SPATA6: variants seen among roughly 807,000 people sequenced by gnomAD.
The protein encoded by SPATA6 is spermatogenesis associated 6.
A neutral mutation model predicts 65.3 loss-of-function variants in SPATA6; 56 were observed. The ratio of observed to expected loss-of-function variants is 0.86; its 90% CI spans 0.69 to 1.07. The LOEUF is 1.07. Among genes scored for constraint, SPATA6 ranks in the 50% least tolerant of loss-of-function variants. The pLI is 0.00. For synonymous variants in SPATA6, 199 were observed against 213.2 expected (o/e 0.93, Z 0.58); for missense variants, 590 against 594.8 (o/e 0.99, Z 0.08).
chr1:48,268,047 G>A, the SPATA6 span, among the ~76,000 whole-genome samples: 460 of 151,868 alleles, frequency 3.0e-3, 2 homozygotes, highest in African/African-American at 0.01. Flanking sequence ...CACCGCGCCC[G>A]GCCAGGTCTC....
chr1:48,309,832 A>G (rs530142654), intron 11 of SPATA6, among the ~76,000 whole-genome samples: 1 of 152,284 alleles, frequency 6.6e-6, no homozygotes, highest in East Asian at 1.9e-4. Flanking sequence ...ATTTCTATAA[A>G]CGCTTAGAAC....
At chr1:48,286,966 G>A in the SPATA6 span, among the ~76,000 whole-genome samples, 619 of 151,064 alleles carry the variant, frequency 4.1e-3, 3 homozygotes, top group Admixed American at 7.0e-3. Flanking sequence ...TTGAACCCAG[G>A]AGGCAGAAGT....
intron 9 of SPATA6, among the ~76,000 whole-genome samples, chr1:48,368,211 C>G (rs568146913): frequency 2.0e-5 from 3 of 152,324 alleles, no homozygotes; most frequent in African/African-American, 7.2e-5. Flanking sequence ...CGACCTTTCT[C>G]TCTGGGTGCC....
intron 1 of SPATA6, among the ~76,000 whole-genome samples, chr1:48,453,983 G>A (rs564929797): frequency 1.3e-5 from 2 of 150,992 alleles, no homozygotes; most frequent in Admixed American, 1.3e-4. Flanking sequence ...CCAAGAAACA[G>A]TCATAAGTAA....
chr1:48,315,054 C>T (rs1645364761), intron 11 of SPATA6, among the ~76,000 whole-genome samples: 1 of 152,094 alleles, frequency 6.6e-6, no homozygotes, highest in South Asian at 2.1e-4. Context: ...TAATTAATAG[C>T]TTACCAAACA....
intron 9 of SPATA6, among the ~76,000 whole-genome samples, chr1:48,381,749 G>A (rs1417279645): frequency 1.4e-5 from 2 of 145,758 alleles, no homozygotes; most frequent in Non-Finnish European, 3.0e-5. Context: ...TCTCGCAGAG[G>A]GGGATTTAGC....
intron 3 of SPATA6, among the ~76,000 whole-genome samples, chr1:48,416,102 C>G (rs1261194806): frequency 6.6e-6 from 1 of 152,050 alleles, no homozygotes; most frequent in Non-Finnish European, 1.5e-5. Context: ...ACTCGGGAGG[C>G]TGAGGTAGGA....
At chr1:48,321,588 C>T (rs924621412) in intron 11 of SPATA6, among the ~76,000 whole-genome samples, 1 of 152,136 alleles carries the variant, frequency 6.6e-6, no homozygotes, top group Non-Finnish European at 1.5e-5. Context: ...CTTCAACACT[C>T]CACTTTCAGT....
At chr1:48,281,819 A>C in the SPATA6 span, among the ~76,000 whole-genome samples, 1 of 152,174 alleles carries the variant, frequency 6.6e-6, no homozygotes, top group Non-Finnish European at 1.5e-5. Context: ...TTCTTCATAG[A>C]ATTGGAAAAA....
At chr1:48,331,352 G>GA (rs755518224) in intron 11 of SPATA6, among the ~76,000 whole-genome samples, 2 of 149,120 alleles carry the variant, frequency 1.3e-5, no homozygotes, top group African/African-American at 2.5e-5. Flanking sequence ...GGAGCTGACA[G>GA]AAAAAATAGC....
intron 11 of SPATA6, among the ~76,000 whole-genome samples, chr1:48,315,219 G>A (rs1367136170): frequency 6.6e-6 from 1 of 152,144 alleles, no homozygotes; most frequent in Admixed American, 6.5e-5. Flanking sequence ...TGATACCAAA[G>A]CCTGGCAGAG....
At chr1:48,433,245 C>A (rs1027383081) in intron 3 of SPATA6, among the ~76,000 whole-genome samples, 2 of 151,952 alleles carry the variant, frequency 1.3e-5, no homozygotes, top group African/African-American at 4.8e-5. Flanking sequence ...GTATTTAATA[C>A]CACTAAACTG....
At chr1:48,346,673 T>C (rs1221876090) in intron 11 of SPATA6, among the ~76,000 whole-genome samples, 2 of 151,780 alleles carry the variant, frequency 1.3e-5, no homozygotes, top group Non-Finnish European at 2.9e-5. Flanking sequence ...ACACCAACAA[T>C]AGTCAAGCTG....
At chr1:48,428,539 A>G (rs1391996793) in intron 3 of SPATA6, among the ~76,000 whole-genome samples, 2 of 152,206 alleles carry the variant, frequency 1.3e-5, no homozygotes, top group East Asian at 3.8e-4. Context: ...AAAAACATTA[A>G]TAAGAAAATC....
At chr1:48,290,320 G>A in the SPATA6 span, among the ~76,000 whole-genome samples, 1 of 152,146 alleles carries the variant, frequency 6.6e-6, no homozygotes, top group African/African-American at 2.4e-5. Context: ...GTCACCACCA[G>A]GCCTGCCCTA....
chr1:48,278,413 C>G, the SPATA6 span, among the ~76,000 whole-genome samples: 1 of 152,246 alleles, frequency 6.6e-6, no homozygotes, highest in Admixed American at 6.5e-5. Flanking sequence ...AAACCAAAGG[C>G]AAAGAGGTTG....
intron 12 of SPATA6, among the ~76,000 whole-genome samples, chr1:48,304,590 G>A (rs946878795): frequency 4.6e-5 from 7 of 152,048 alleles, no homozygotes; most frequent in East Asian, 1.9e-4. Context: ...GTGATCCTCC[G>A]ATGGGGGCCT....
chr1:48,275,199 C>G, the SPATA6 span, among the ~76,000 whole-genome samples: 7 of 152,060 alleles, frequency 4.6e-5, no homozygotes, highest in Non-Finnish European at 1.5e-5. Flanking sequence ...TGTATCCCGA[C>G]ACTGTGCTGA....
At chr1:48,358,715 T>C (rs919868205) in intron 10 of SPATA6, among the ~76,000 whole-genome samples, 1 of 152,158 alleles carries the variant, frequency 6.6e-6, no homozygotes, top group Non-Finnish European at 1.5e-5. Flanking sequence ...TGTTAACGAT[T>C]CCATGATCCC....
Sources: allele counts gnomAD v4.1 joint callset (sites outside exome capture counted in the v4.1 genomes callset), GRCh38; gene constraint gnomAD v4.1.1; transcripts MANE v1.5; gene names NCBI Gene and HGNC (gene_info 2026-07-23, HGNC 2026-07-21).